Variants in CTNNA3 observed in about 807,000 individuals in gnomAD.
CTNNA3 encodes the protein catenin alpha-3.
A neutral mutation model predicts 95.7 loss-of-function variants in CTNNA3; 76 were observed. The ratio of observed to expected loss-of-function variants is 0.79; its 90% CI spans 0.66 to 0.96. The LOEUF (loss-of-function observed/expected upper bound fraction) is 0.96. Ranked by LOEUF, CTNNA3 falls within the 40% of genes least tolerant of loss-of-function variation. The pLI is 0.00. For synonymous variants in CTNNA3, 431 were observed against 374.4 expected (o/e 1.15, Z -1.74); for missense variants, 1,191 against 1,089.8 (o/e 1.09, Z -1.31).
chr10:66,853,974 G>A (rs911035966), intron 7 of CTNNA3, among the ~76,000 whole-genome samples: 14 of 152,000 alleles, frequency 9.2e-5, no homozygotes, highest in African/African-American at 3.1e-4. Flanking sequence ...ATAAAAAGCC[G>A]CTATTTAACC....
At chr10:66,566,268 C>T (rs1163405935) in intron 10 of CTNNA3, among the ~76,000 whole-genome samples, 1 of 152,136 alleles carries the variant, frequency 6.6e-6, no homozygotes, top group African/African-American at 2.4e-5. Flanking sequence ...ACGAGTTGCA[C>T]ATATTCAAAT....
rs540275435 is a variant in CTNNA3 at position 66,738,787 on chromosome 10, A to G, written c.1281+27477T>C. ...GATTGTATCATCTCCTGTTTCCCTA[A>G]TCCTTGCAGTAAAGTAGGTGTATTT... is the stretch of plus-strand genomic sequence containing the variant. On this transcript the variant is annotated intron_variant, in intron 9 of 17. Coordinates refer to ENST00000433211, the MANE Select transcript of CTNNA3 (RefSeq NM_013266.4). 1.6e-3 allele frequency among the ~76,000 whole-genome samples: 246 copies of G among 152,288 alleles called. 1 individual carries two copies. The highest frequency in any genetic ancestry group is 5.6e-3 in the African/African-American group (231 of 41,566).
At chr10:65,921,345 A>G (rs1305435424) in intron 17 of CTNNA3, among the ~76,000 whole-genome samples, 2 of 152,214 alleles carry the variant, frequency 1.3e-5, no homozygotes, top group African/African-American at 4.8e-5. Flanking sequence ...ATCCTTGACA[A>G]CTATGTCAAT....
At chr10:67,141,330 TAA>T (rs1860553520) in intron 7 of CTNNA3, among the ~76,000 whole-genome samples, 1 of 152,000 alleles carries the variant, frequency 6.6e-6, no homozygotes, top group Non-Finnish European at 1.5e-5. Flanking sequence ...AAGTGCTATA[TAA>T]CAACAAAATA....
At chr10:66,957,399 T>TATATATATATGC (rs1848855968) in intron 7 of CTNNA3, among the ~76,000 whole-genome samples, 3 of 58,392 alleles carry the variant, frequency 5.1e-5, no homozygotes, top group Admixed American at 1.6e-4. Flanking sequence ...TATACATATA[T>TATATATATATGC]ATATATATAT....
intron 2 of CTNNA3, among the ~76,000 whole-genome samples, chr10:67,640,105 C>G: frequency 6.6e-6 from 1 of 152,150 alleles, no homozygotes; most frequent in East Asian, 1.9e-4. Flanking sequence ...CTAGAAAACC[C>G]CATTGTCTCA....
intron 5 of CTNNA3, among the ~76,000 whole-genome samples, chr10:67,254,294 T>C (rs1221204217): frequency 6.6e-6 from 1 of 151,248 alleles, no homozygotes; most frequent in Non-Finnish European, 1.5e-5. Context: ...AAAAGCCCCC[T>C]AAAAAAAGAA....
intron 9 of CTNNA3, among the ~76,000 whole-genome samples, chr10:66,657,621 A>T (rs1846113178): frequency 6.6e-6 from 1 of 152,164 alleles, no homozygotes; most frequent in Admixed American, 6.6e-5. Context: ...TATATTACTG[A>T]GCAATGTACT....
intron 1 of CTNNA3, among the ~76,000 whole-genome samples, chr10:67,686,442 C>T (rs1179898456): frequency 1.3e-5 from 2 of 151,954 alleles, no homozygotes; most frequent in Non-Finnish European, 2.9e-5. Context: ...CATGCTTGAC[C>T]AGCTCCTCAT....
intron 9 of CTNNA3, among the ~76,000 whole-genome samples, chr10:66,742,131 G>A (rs10822907): frequency 0.5 from 76,598 of 151,900 alleles, 19,589 homozygotes; most frequent in African/African-American, 0.58. Context: ...GAGAAATATC[G>A]CTGAATTCTT....
intron 7 of CTNNA3, among the ~76,000 whole-genome samples, chr10:67,133,378 T>TATATATAC (rs1177119156): frequency 0.02 from 2,643 of 133,780 alleles, 72 homozygotes; most frequent in African/African-American, 0.055. Flanking sequence ...TATATATATA[T>TATATATAC]ACACACACAC....
intron 15 of CTNNA3, among the ~76,000 whole-genome samples, chr10:66,023,649 T>G (rs1267923601): frequency 6.6e-6 from 1 of 152,198 alleles, no homozygotes; most frequent in Non-Finnish European, 1.5e-5. Flanking sequence ...AAATGTTGCT[T>G]GAATAAAGGG....
At chr10:66,592,419 T>C (rs1421337598) in intron 10 of CTNNA3, among the ~76,000 whole-genome samples, 1 of 152,126 alleles carries the variant, frequency 6.6e-6, no homozygotes, top group Non-Finnish European at 1.5e-5. Flanking sequence ...ACCCTTTGTG[T>C]CAACCTCCTA....
intron 10 of CTNNA3, among the ~76,000 whole-genome samples, chr10:66,614,179 T>C (rs16923319): frequency 0.04 from 6,081 of 152,152 alleles, 404 homozygotes; most frequent in African/African-American, 0.14. Context: ...TCACATGACT[T>C]GTACTTCAAC....
In CTNNA3 at chr10:66,445,559, G is replaced by T. The variant is rs145321181; in HGVS notation, c.1532-66207C>A. On this transcript the variant is annotated intron_variant, in intron 11 of 17. Coordinates refer to ENST00000433211, the MANE Select transcript of CTNNA3 (RefSeq NM_013266.4). ...CAACTACATGGAAACGGAACAACTTGCTCCTGAATGACTACTGGGTACATA... is the reference window on the plus strand; with the variant it reads ...CAACTACATGGAAACGGAACAACTTTCTCCTGAATGACTACTGGGTACATA... Among the ~76,000 whole-genome samples the T allele has an allele frequency of 9.9e-3, 1,512 of 152,196 alleles. 34 individuals are homozygous for T. Among genetic ancestry groups the T allele is most frequent in the African/African-American group, 0.035 (1,436 of 41,524 alleles).
At chr10:66,470,342 A>G (rs188459113) in intron 11 of CTNNA3, among the ~76,000 whole-genome samples, 1 of 151,880 alleles carries the variant, frequency 6.6e-6, no homozygotes, top group Non-Finnish European at 1.5e-5. Context: ...AATTGCAAGG[A>G]GTCAACATGA....
At chr10:66,749,994 T>A (rs1294721549) in intron 9 of CTNNA3, among the ~76,000 whole-genome samples, 2 of 152,226 alleles carry the variant, frequency 1.3e-5, no homozygotes, top group African/African-American at 2.4e-5. Context: ...CATATGCTTA[T>A]TGGACATACG....
At chr10:66,099,367 T>C (rs2081525438) in intron 14 of CTNNA3, among the ~76,000 whole-genome samples, 1 of 152,160 alleles carries the variant, frequency 6.6e-6, no homozygotes, top group East Asian at 1.9e-4. Context: ...CAATTACAGC[T>C]AGAATGTGAC....
intron 5 of CTNNA3, among the ~76,000 whole-genome samples, chr10:67,519,593 T>A (rs994071119): frequency 2.0e-5 from 3 of 152,094 alleles, no homozygotes; most frequent in African/African-American, 7.2e-5. Context: ...ACCAATAATA[T>A]TTACTGAGGA....
Sources: allele counts gnomAD v4.1 joint callset (sites outside exome capture counted in the v4.1 genomes callset), GRCh38; gene constraint gnomAD v4.1.1; transcripts MANE v1.5; gene names NCBI Gene and HGNC (gene_info 2026-07-23, HGNC 2026-07-21).